NHSL1: variants seen among roughly 807,000 people sequenced by gnomAD.
NHSL1 encodes NHS-like protein 1.
NHSL1 carries 48 observed loss-of-function variants against 95.0 expected under a neutral mutation model. The observed-to-expected ratio is 0.51, with a 90% CI of 0.40 to 0.64. The LOEUF is 0.64. NHSL1 is among the 30% of genes least tolerant of loss of function. The pLI is 0.00. For synonymous variants in NHSL1, 783 were observed against 833.9 expected, an observed-to-expected ratio of 0.94 and a Z score of 1.05; for missense variants, 1,971 against 2,077.7, an observed-to-expected ratio of 0.95 and a Z score of 1.00.
intron 3 of NHSL1, among the ~76,000 whole-genome samples, chr6:138,466,320 C>T (rs1185564543): frequency 2.0e-5 from 3 of 152,096 alleles, no homozygotes; most frequent in South Asian, 2.1e-4. Flanking sequence ...GGATTACAGG[C>T]GTGAGCCACC....
chr6:138,504,464 T>G (rs1201355560), upstream of NHSL1, among the ~76,000 whole-genome samples: 2 of 152,180 alleles, frequency 1.3e-5, no homozygotes, highest in Non-Finnish European at 2.9e-5. Flanking sequence ...CCACCTCATT[T>G]AAAGGACCAC....
chr6:138,515,760 C>T (rs542700923), intron 1 of NHSL1, among the ~76,000 whole-genome samples: 3 of 152,306 alleles, frequency 2.0e-5, no homozygotes, highest in South Asian at 2.1e-4. Context: ...TTAATAGTAT[C>T]GGGGAAAACT....
At position 138,423,974 on chromosome 6, in the gene NHSL1, C is replaced by CAG. The variant is rs1194010010; in HGVS notation, c.*105_*106dup. On this transcript the variant is annotated 3_prime_UTR_variant, in exon 8 of 8. Coordinates refer to ENST00000343505, the MANE Select transcript of NHSL1 (RefSeq NM_001144060.2). Reference sequence around the variant, plus strand: ...AACCCCGGGGCCCACAGCACAGAAGCAGAGTGGGCTCCCCGGGTGAGCCAG... The same window carrying CAG: ...AACCCCGGGGCCCACAGCACAGAAGCAGAGAGTGGGCTCCCCGGGTGAGCCAG... 8.5e-7 allele frequency: 1 copy of CAG among 1,176,970 alleles called. No individual in the cohort carries two copies. Among genetic ancestry groups the CAG allele is most frequent in the African/African-American group, 1.6e-5 (1 of 62,438 alleles). The allele number at this position is 1,176,970 out of a possible 1,614,324, so 72.9% of individuals were successfully genotyped here. A position where few individuals can be genotyped will look rare whatever the true frequency, so the allele number is the denominator to read the frequency against.
intron 1 of NHSL1, among the ~76,000 whole-genome samples, chr6:138,647,642 C>T (rs1479681019): frequency 6.8e-6 from 1 of 147,626 alleles, no homozygotes; most frequent in African/African-American, 2.6e-5. Flanking sequence ...TCGCTCTGTG[C>T]CCAGGCTGGA....
intron 3 of NHSL1, among the ~76,000 whole-genome samples, chr6:138,466,048 G>GGC (rs1011527658): frequency 7.2e-5 from 10 of 139,346 alleles, no homozygotes; most frequent in Non-Finnish European, 3.1e-5. Context: ...TTTTGGGGGG[G>GGC]GGGCAGGGGG....
chr6:138,604,528 G>C (rs1303807927), intron 1 of NHSL1, among the ~76,000 whole-genome samples: 1 of 152,166 alleles, frequency 6.6e-6, no homozygotes. Flanking sequence ...CTCTGATTCT[G>C]CAACTAAAAT....
At chr6:138,502,530 C>T (rs1045297272), upstream of NHSL1, among the ~76,000 whole-genome samples, 1 of 151,892 alleles carries the variant, frequency 6.6e-6, no homozygotes, top group Non-Finnish European at 1.5e-5. Flanking sequence ...CCCGGCTGTT[C>T]TCAAACTCCT....
chr6:138,503,019 C>T (rs557211061), upstream of NHSL1, among the ~76,000 whole-genome samples: 3 of 152,280 alleles, frequency 2.0e-5, no homozygotes, highest in Admixed American at 1.3e-4. Context: ...GCCAACACCT[C>T]GAGTAATTGC....
chr6:138,424,246 C>A lies in NHSL1; in HGVS notation c.4656G>T (p.Leu1552=). 1 of 1,506,244 alleles carries A rather than the reference C, an allele frequency of 6.6e-7. No homozygotes were observed. 93.3% of individuals were successfully genotyped at this position (1,506,244 alleles called of 1,614,324 possible). A position where few individuals can be genotyped will look rare whatever the true frequency, so the allele number is the denominator to read the frequency against. ...GALGAAEGCS[L]DGLAREEMDE... The stretch of plus-strand genomic sequence containing the variant: ...CCATCTCCTCCCTCGCCAGTCCGTC[C>A]AGGGAACATCCCTCCGCAGCGCCCA... Residue 1552 remains leucine (L), a synonymous_variant, in exon 8 of 8, where the codon CTG becomes CTT. Coordinates refer to ENST00000343505, the MANE Select transcript of NHSL1 (RefSeq NM_001144060.2). The surrounding 1 kb of genome is among the most constrained non-coding windows in gnomAD (Gnocchi z 5.9).
At chr6:138,464,308 C>T in intron 3 of NHSL1, 2 of 676,066 alleles carry the variant, frequency 3.0e-6, no homozygotes, top group South Asian at 1.6e-5. Context: ...CGGACTGGGC[C>T]CTCAGCGCCA....
chr6:138,672,654 C>G (rs965207446), intron 1 of NHSL1, among the ~76,000 whole-genome samples: 1 of 152,124 alleles, frequency 6.6e-6, no homozygotes, highest in Non-Finnish European at 1.5e-5. Flanking sequence ...AGACGTTCAC[C>G]ATATTTCAAT....
intron 1 of NHSL1, among the ~76,000 whole-genome samples, chr6:138,521,371 C>A (rs536897835): frequency 6.6e-6 from 1 of 152,082 alleles, no homozygotes; most frequent in Non-Finnish European, 1.5e-5. Context: ...GAGGTTGAAG[C>A]GGGAAGACCC....
At chr6:138,495,254 C>T (rs1266520995) in intron 2 of NHSL1, among the ~76,000 whole-genome samples, 1 of 152,122 alleles carries the variant, frequency 6.6e-6, no homozygotes, top group East Asian at 1.9e-4. Context: ...ATAAGAAAAA[C>T]AAACCACAAT....
chr6:138,492,974 C>A (rs1259439872), intron 2 of NHSL1, among the ~76,000 whole-genome samples: 1 of 142,890 alleles, frequency 7.0e-6, no homozygotes, highest in Non-Finnish European at 1.5e-5. Flanking sequence ...CTTAATAGTG[C>A]CACATATTCA....
chr6:138,488,852 C>A (rs1249832263), intron 2 of NHSL1, among the ~76,000 whole-genome samples: 2 of 152,154 alleles, frequency 1.3e-5, no homozygotes, highest in African/African-American at 4.8e-5. Flanking sequence ...TCAGAATAGG[C>A]CAGCATGCGT....
intron 1 of NHSL1, among the ~76,000 whole-genome samples, chr6:138,592,619 C>CA (rs1315644642): frequency 4.0e-5 from 6 of 150,344 alleles, no homozygotes; most frequent in African/African-American, 1.5e-4. Flanking sequence ...CAAAAAACAA[C>CA]AAAAAACAAA....
At chr6:138,435,783 G>A (rs1223551256) in intron 5 of NHSL1, among the ~76,000 whole-genome samples, 1 of 151,276 alleles carries the variant, frequency 6.6e-6, no homozygotes, top group Non-Finnish European at 1.5e-5. Context: ...CCTGTGTTGA[G>A]CAAGTCTATT....
At chr6:138,559,696 A>G (rs1246361259) in intron 1 of NHSL1, among the ~76,000 whole-genome samples, 1 of 152,108 alleles carries the variant, frequency 6.6e-6, no homozygotes, top group Non-Finnish European at 1.5e-5. Flanking sequence ...GCATAATAAC[A>G]CCCTACTGAA....
intron 2 of NHSL1, among the ~76,000 whole-genome samples, 182 bp from the exon 3 acceptor site, chr6:138,473,615 CCATAT>C (rs1422485783): frequency 1.3e-5 from 2 of 152,044 alleles, no homozygotes; most frequent in East Asian, 1.9e-4. Context: ...ACACTACATA[CCATAT>C]ATCAATTAAA....
Sources: allele counts gnomAD v4.1 joint callset (sites outside exome capture counted in the v4.1 genomes callset), GRCh38; gene constraint gnomAD v4.1.1; non-coding constraint Gnocchi (gnomAD v3.1); transcripts MANE v1.5; gene names NCBI Gene and HGNC (gene_info 2026-07-23, HGNC 2026-07-21).